PAPPA: variants seen among roughly 807,000 people sequenced by gnomAD.
PAPPA encodes the protein pappalysin 1.
In PAPPA, 60 loss-of-function variants were observed where a neutral mutation model predicts 164.0. The ratio of observed to expected loss-of-function variants is 0.37; its 90% CI spans 0.30 to 0.45. The LOEUF is 0.45. Among genes scored for constraint, PAPPA ranks in the 20% least tolerant of loss-of-function variants. The probability of loss-of-function intolerance (pLI) is 1.00; values close to 1 mark genes in which losing one functional copy is unlikely to be tolerated. For missense variants in PAPPA, 1,782 were observed against 2,087.3 expected, an observed-to-expected ratio of 0.85 and a Z score of 2.85; for synonymous variants, 875 against 814.1, an observed-to-expected ratio of 1.07 and a Z score of -1.27.
At chr9:116,230,649 G>A (rs778660579) in intron 6 of PAPPA, among the ~76,000 whole-genome samples, 57 of 152,064 alleles carry the variant, frequency 3.7e-4, no homozygotes, top group Non-Finnish European at 8.2e-4. Context: ...AATCTTTATT[G>A]GAAATCTACT....
intron 10 of PAPPA, among the ~76,000 whole-genome samples, chr9:116,315,342 AC>A (rs564583807): frequency 6.6e-6 from 1 of 151,232 alleles, no homozygotes; most frequent in Non-Finnish European, 1.5e-5. Flanking sequence ...ATCTATCCTC[AC>A]CCCCGGAATG....
At chr9:116,389,332 C>T (rs983763100) in intron 21 of PAPPA, among the ~76,000 whole-genome samples, 7 of 152,032 alleles carry the variant, frequency 4.6e-5, no homozygotes, top group Non-Finnish European at 8.8e-5. Flanking sequence ...GGGGTTTCAC[C>T]ATATTGCTCA....
In PAPPA at chr9:116,281,036, AC is replaced by A. The variant is rs550521860; in HGVS notation, c.2953+9621del. Among the ~76,000 whole-genome samples, 698 of 152,356 alleles carry A rather than the reference AC, an allele frequency of 4.6e-3. 8 individuals carry two copies. The highest frequency in any genetic ancestry group is 6.9e-3 in the Non-Finnish European group (472 of 68,032). ...ACTAACTGGCTAAATAAATAACACTACGACAATTTAAAAACAGCACAAATAG... is the reference window on the plus strand; with the variant it reads ...ACTAACTGGCTAAATAAATAACACTAGACAATTTAAAAACAGCACAAATAG... On this transcript the variant is annotated intron_variant, in intron 9 of 21. Transcript: ENST00000328252.
chr9:116,302,902 C>T lies in PAPPA; in HGVS notation c.3099C>T (p.Asp1033=). ...CCAATGCTTCAGTATCTCATCAAGA[C>T]CAGCAATGCCCAGGCTGGGTCATCA... ...WASNASVSHQ[D]QQCPGWVIIG... is the part of the protein sequence containing the mutation. Residue 1033 remains aspartate, a synonymous_variant, in exon 10 of 22, where the codon GAC becomes GAT. Transcript: ENST00000328252. The T allele has an allele frequency of 1.9e-6, 3 of 1,614,068 alleles. No individual in the cohort carries two copies. Among genetic ancestry groups the T allele is most frequent in the Non-Finnish European group, 2.5e-6 (3 of 1,179,982 alleles).
intron 1 of PAPPA, among the ~76,000 whole-genome samples, chr9:116,173,632 G>A (rs1202494347): frequency 2.6e-5 from 4 of 152,118 alleles, no homozygotes; most frequent in Non-Finnish European, 5.9e-5. Context: ...CCCATCAAAA[G>A]CAAATATCTT....
At chr9:116,247,998 A>G (rs370787140) in intron 7 of PAPPA, among the ~76,000 whole-genome samples, 24 of 152,308 alleles carry the variant, frequency 1.6e-4, no homozygotes, top group African/African-American at 5.5e-4. Context: ...ACATGATGCA[A>G]TCTAGTGAAC....
chr9:116,242,567 C>A (rs1296030821), intron 7 of PAPPA, among the ~76,000 whole-genome samples: 1 of 152,176 alleles, frequency 6.6e-6, no homozygotes, highest in Non-Finnish European at 1.5e-5. Context: ...TTAGCCATAC[C>A]CTTAATGGTG....
At chr9:116,284,603 T>C (rs1845309608) in intron 9 of PAPPA, among the ~76,000 whole-genome samples, 1 of 150,046 alleles carries the variant, frequency 6.7e-6, no homozygotes, top group Non-Finnish European at 1.5e-5. Context: ...TGCTCTACTT[T>C]GACGCCCCAA....
intron 7 of PAPPA, among the ~76,000 whole-genome samples, chr9:116,247,918 A>C (rs1844815536): frequency 6.6e-6 from 1 of 152,228 alleles, no homozygotes; most frequent in African/African-American, 2.4e-5. Context: ...CCTTGGACAA[A>C]GTGGGTGACT....
At chr9:116,270,035 G>T (rs1274362016) in intron 8 of PAPPA, among the ~76,000 whole-genome samples, 1 of 152,186 alleles carries the variant, frequency 6.6e-6, no homozygotes, top group Non-Finnish European at 1.5e-5. Flanking sequence ...ATTGCCCAGT[G>T]TTAATTGCCT....
intron 7 of PAPPA, among the ~76,000 whole-genome samples, chr9:116,254,279 T>C (rs1226723002): frequency 6.6e-6 from 1 of 152,206 alleles, no homozygotes; most frequent in East Asian, 1.9e-4. Flanking sequence ...TTTCGTTGGA[T>C]AAGTGTAAGC....
intron 1 of PAPPA, among the ~76,000 whole-genome samples, chr9:116,177,860 C>G (rs1046405128): frequency 6.6e-6 from 1 of 152,122 alleles, no homozygotes; most frequent in African/African-American, 2.4e-5. Context: ...TGACCCCATC[C>G]CCCACCTCTT....
rs1320547668 is a variant in PAPPA at position 116,402,249 on chromosome 9, A to C, written c.*5633A>C. On this transcript the variant is annotated 3_prime_UTR_variant, in exon 22 of 22. Coordinates refer to ENST00000328252, the MANE Select transcript of PAPPA (RefSeq NM_002581.5). ...ACAAATAATAATGTCAGAGACAGAAATATTTTGCCACTGTTGATTACTATA... is the reference window on the plus strand; with the variant it reads ...ACAAATAATAATGTCAGAGACAGAACTATTTTGCCACTGTTGATTACTATA... 6.6e-6 allele frequency: 1 copy of C among 152,596 alleles called. No individual in the cohort carries two copies. The highest frequency in any genetic ancestry group is 1.5e-5 in the Non-Finnish European group (1 of 68,034). The allele number at this position is 152,596 out of a possible 1,614,324, so 9.5% of individuals were successfully genotyped here.
intron 10 of PAPPA, among the ~76,000 whole-genome samples, chr9:116,330,628 T>G (rs1165689661): frequency 1.6e-5 from 2 of 125,910 alleles, no homozygotes; most frequent in Non-Finnish European, 3.5e-5. Context: ...TGTGTAGGGG[T>G]GTGTGTGTGT....
At chr9:116,244,258 A>G (rs1245338888) in intron 7 of PAPPA, among the ~76,000 whole-genome samples, 1 of 152,168 alleles carries the variant, frequency 6.6e-6, no homozygotes, top group African/African-American at 2.4e-5. Flanking sequence ...AATTGCTTAT[A>G]TAAACTTTTA....
intron 4 of PAPPA, among the ~76,000 whole-genome samples, chr9:116,216,895 C>T (rs1332410864): frequency 6.6e-6 from 1 of 152,068 alleles, no homozygotes; most frequent in East Asian, 1.9e-4. Flanking sequence ...GCGTGCACCA[C>T]CATGCCCAGC....
At chr9:116,212,818 T>G (rs1351023513) in intron 4 of PAPPA, among the ~76,000 whole-genome samples, 1 of 152,194 alleles carries the variant, frequency 6.6e-6, no homozygotes, top group Non-Finnish European at 1.5e-5. Context: ...ATAAAATTTA[T>G]TCTTATCAAA....
At chr9:116,390,109 G>C (rs1026481886) in intron 21 of PAPPA, among the ~76,000 whole-genome samples, 1 of 152,108 alleles carries the variant, frequency 6.6e-6, no homozygotes, top group African/African-American at 2.4e-5. Context: ...CAAGAACTTG[G>C]TCCCAGCTGA....
intron 7 of PAPPA, among the ~76,000 whole-genome samples, chr9:116,250,491 A>G (rs1180579568): frequency 1.3e-5 from 2 of 152,200 alleles, no homozygotes; most frequent in Non-Finnish European, 2.9e-5. Flanking sequence ...GGGCTTTAGT[A>G]TCCATCCCAC....
Sources: gnomAD v4.1 joint callset for allele counts (sites outside exome capture counted in the v4.1 genomes callset) on GRCh38, gnomAD v4.1.1 for gene constraint, MANE v1.5 for transcripts, NCBI Gene and HGNC (gene_info 2026-07-23, HGNC 2026-07-21) for gene names.